Variants in NBAS observed in about 807,000 individuals in gnomAD.
NBAS encodes NBAS subunit of NRZ tethering complex.
Under a neutral mutation model 302.5 loss-of-function variants are expected in NBAS, and 219 were observed. The ratio of observed to expected loss-of-function variants is 0.72; its 90% CI spans 0.65 to 0.81. The LOEUF is 0.81. NBAS is among the 30% of genes least tolerant of loss of function. The pLI is 0.00. For missense variants in NBAS, 2,932 were observed against 2,841.6 expected (o/e 1.03, Z -0.72); for synonymous variants, 1,118 against 1,021.6 (o/e 1.09, Z -1.80).
chr2:15,498,040 CACTGAT>C (rs1218360534), intron 11 of NBAS, among the ~76,000 whole-genome samples: 7 of 152,108 alleles, frequency 4.6e-5, no homozygotes, highest in Non-Finnish European at 8.8e-5. Context: ...ACCTTTCCTC[CACTGAT>C]TCTCCGTAAC....
intron 9 of NBAS, among the ~76,000 whole-genome samples, chr2:15,512,874 T>C (rs1175446170): frequency 6.6e-6 from 1 of 152,198 alleles, no homozygotes; most frequent in East Asian, 1.9e-4. Context: ...TTGTGATTCA[T>C]AGAAAATGAA....
chr2:15,490,695 A>G (rs1032038712), intron 11 of NBAS, among the ~76,000 whole-genome samples: 3 of 152,204 alleles, frequency 2.0e-5, no homozygotes, highest in African/African-American at 7.2e-5. Context: ...GCCCATGATC[A>G]CTCAAGTGTG....
chr2:14,785,304 C>T, the NBAS span, among the ~76,000 whole-genome samples: 1 of 152,074 alleles, frequency 6.6e-6, no homozygotes, highest in Non-Finnish European at 1.5e-5. Flanking sequence ...AATTGAATAC[C>T]CTTTATTTCC....
the NBAS span, among the ~76,000 whole-genome samples, chr2:15,053,220 T>G: frequency 6.6e-6 from 1 of 152,226 alleles, no homozygotes; most frequent in Non-Finnish European, 1.5e-5. Context: ...TTCAGAGGTA[T>G]GCCATATTCC....
chr2:15,294,411 C>G (rs1670453851), intron 40 of NBAS, among the ~76,000 whole-genome samples: 1 of 152,186 alleles, frequency 6.6e-6, no homozygotes, highest in Non-Finnish European at 1.5e-5. Flanking sequence ...GATTTGGGAA[C>G]CAGCTGCATA....
chr2:14,964,999 A>T, the NBAS span, among the ~76,000 whole-genome samples: 20 of 152,246 alleles, frequency 1.3e-4, no homozygotes, highest in African/African-American at 4.8e-4. Flanking sequence ...ATGAAATAAC[A>T]CATAATATAA....
At chr2:14,981,496 G>A in the NBAS span, among the ~76,000 whole-genome samples, 1 of 152,192 alleles carries the variant, frequency 6.6e-6, no homozygotes, top group Non-Finnish European at 1.5e-5. Context: ...GCATGACACA[G>A]ACAACTAGCT....
chr2:15,151,719 T>C, the NBAS span, among the ~76,000 whole-genome samples: 4 of 152,248 alleles, frequency 2.6e-5, no homozygotes, highest in African/African-American at 7.2e-5. Flanking sequence ...TCATTTTCGA[T>C]ATATTTGATT....
intron 38 of NBAS, among the ~76,000 whole-genome samples, chr2:15,311,350 T>A (rs1671267289): frequency 1.3e-5 from 2 of 152,196 alleles, no homozygotes; most frequent in South Asian, 4.1e-4. Context: ...AAGTAAAGTA[T>A]GCAAAGTGCA....
intron 11 of NBAS, 40 bp downstream of exon 11, chr2:15,504,105 T>G (rs1277673528): frequency 6.5e-7 from 1 of 1,541,494 alleles, no homozygotes; most frequent in South Asian, 1.1e-5. Context: ...AGGGTAAAAA[T>G]GTTTGAGAAG....
intron 19 of NBAS, among the ~76,000 whole-genome samples, chr2:15,467,028 T>C (rs150126188): frequency 2.6e-5 from 4 of 151,740 alleles, no homozygotes; most frequent in Admixed American, 6.6e-5. Context: ...AAAAAAGTTA[T>C]GTGCCATTAT....
chr2:15,209,288 A>T (rs1558439143), intron 48 of NBAS, among the ~76,000 whole-genome samples: 3 of 152,204 alleles, frequency 2.0e-5, no homozygotes, highest in Non-Finnish European at 4.4e-5. Context: ...ACAGGTAATG[A>T]GACAGAAGCC....
chr2:15,358,451 T>C (rs1326248836), intron 32 of NBAS, among the ~76,000 whole-genome samples: 1 of 152,000 alleles, frequency 6.6e-6, no homozygotes, highest in African/African-American at 2.4e-5. Flanking sequence ...TGTGCATGTA[T>C]TTATTTATTT....
At chr2:15,108,543 T>A in the NBAS span, among the ~76,000 whole-genome samples, 546 of 152,262 alleles carry the variant, frequency 3.6e-3, 1 homozygote, top group Middle Eastern at 0.014. Context: ...TCTCTAAATG[T>A]ATCTGGTCCA....
the NBAS span, among the ~76,000 whole-genome samples, chr2:14,861,312 T>C: frequency 1.3e-5 from 2 of 152,198 alleles, no homozygotes. Context: ...TCTTCATTTA[T>C]CTCACTGGTG....
chr2:15,283,912 T>C lies in NBAS; in HGVS notation c.5138+3161A>G, dbSNP rs560395472. On this transcript the variant is annotated intron_variant, in intron 42 of 51. Coordinates refer to ENST00000281513, the MANE Select transcript of NBAS (RefSeq NM_015909.4). ...GCCACAGGTAATCTGGTAGTTACTA[T>C]TGTCTATAAAAATCCACCAACATGT... Among the ~76,000 whole-genome samples the C allele has an allele frequency of 7.2e-5, 11 of 152,290 alleles. No homozygotes were observed. The South Asian group carries it at 2.3e-3, about 32-fold the overall frequency.
chr2:15,293,716 T>C (rs972506594), intron 40 of NBAS, among the ~76,000 whole-genome samples: 1 of 152,166 alleles, frequency 6.6e-6, no homozygotes, highest in Non-Finnish European at 1.5e-5. Flanking sequence ...GCTGTCAGCA[T>C]TTCTAATGTG....
chr2:15,393,157 G>C (rs554578343), intron 28 of NBAS, among the ~76,000 whole-genome samples: 20 of 152,002 alleles, frequency 1.3e-4, no homozygotes, highest in African/African-American at 3.9e-4. Flanking sequence ...GTTAACAAAG[G>C]GGGGAGAAAA....
intron 38 of NBAS, among the ~76,000 whole-genome samples, chr2:15,314,969 T>C (rs576690638): frequency 7.2e-5 from 11 of 152,124 alleles, no homozygotes; most frequent in Non-Finnish European, 1.0e-4. Context: ...TAATCTACAG[T>C]GGGGAAAAAT....
Sources: gnomAD v4.1 joint callset for allele counts (sites outside exome capture counted in the v4.1 genomes callset) on GRCh38, gnomAD v4.1.1 for gene constraint, MANE v1.5 for transcripts, NCBI Gene and HGNC (gene_info 2026-07-23, HGNC 2026-07-21) for gene names.